The following ASPRV1 variants were observed in gnomAD, a reference collection of about 807,000 sequenced individuals.
ASPRV1 encodes the protein aspartic peptidase retroviral like 1.
In ASPRV1, 7 loss-of-function variants were observed where a neutral mutation model predicts 11.0. The ratio of observed to expected loss-of-function variants is 0.64; its 90% confidence interval spans 0.36 to 1.20. The LOEUF is 1.20. Ranked by LOEUF, ASPRV1 falls within the 50% of genes most tolerant of loss-of-function variation. The pLI, the probability that ASPRV1 is intolerant of heterozygous loss-of-function variation, is 0.02. For missense variants in ASPRV1, 299 were observed against 320.0 expected (o/e 0.93, Z 0.50); for synonymous variants, 136 against 138.4 (o/e 0.98, Z 0.12).
chr2:70,077,958 G>A, the ASPRV1 span, among the ~76,000 whole-genome samples: 406 of 152,188 alleles, frequency 2.7e-3, 9 homozygotes, highest in Non-Finnish European at 8.4e-4. Context: ...CATGAGGTCA[G>A]GAGTTTGAGA....
the ASPRV1 span, among the ~76,000 whole-genome samples, chr2:70,032,690 G>C: frequency 1.3e-5 from 2 of 152,096 alleles, no homozygotes; most frequent in South Asian, 2.1e-4. Flanking sequence ...TCCTTGCTGA[G>C]AGCAGTCTTC....
chr2:69,965,524 G>C (rs752296302), upstream of ASPRV1, among the ~76,000 whole-genome samples: 14 of 152,174 alleles, frequency 9.2e-5, no homozygotes, highest in Non-Finnish European at 1.8e-4. Flanking sequence ...TTTGTGTTGG[G>C]CCACATTCAA....
At chr2:70,063,169 A>C in the ASPRV1 span, among the ~76,000 whole-genome samples, 5 of 152,144 alleles carry the variant, frequency 3.3e-5, no homozygotes, top group Non-Finnish European at 5.9e-5. Flanking sequence ...ACATACAAAA[A>C]CATTCAGAAC....
At chr2:69,966,535 C>G (rs1678346845), upstream of ASPRV1, among the ~76,000 whole-genome samples, 2 of 152,226 alleles carry the variant, frequency 1.3e-5, no homozygotes, top group African/African-American at 4.8e-5. Context: ...ACACAGGTCT[C>G]CAGACAGCTT....
the ASPRV1 span, among the ~76,000 whole-genome samples, chr2:69,975,005 G>A: frequency 6.6e-6 from 1 of 152,148 alleles, no homozygotes; most frequent in African/African-American, 2.4e-5. Flanking sequence ...CTGGGGCAGG[G>A]GTCCCAGAGC....
the ASPRV1 span, chr2:70,086,118 T>G: frequency 6.6e-6 from 1 of 152,180 alleles, no homozygotes; most frequent in Non-Finnish European, 1.5e-5. Flanking sequence ...AAATTAGGCC[T>G]CCGACCTTCA....
chr2:70,005,438 G>A, the ASPRV1 span, among the ~76,000 whole-genome samples: 3 of 152,032 alleles, frequency 2.0e-5, no homozygotes, highest in African/African-American at 4.8e-5. Context: ...TTCTTGACAC[G>A]CATGCCAAAT....
the ASPRV1 span, among the ~76,000 whole-genome samples, chr2:69,978,223 CA>C: frequency 1.3e-5 from 2 of 152,106 alleles, no homozygotes; most frequent in African/African-American, 4.8e-5. Context: ...GCTTCTTCCC[CA>C]GGGGGCTCTG....
chr2:69,938,231 A>C, the ASPRV1 span: 1 of 1,614,224 alleles, frequency 6.2e-7, no homozygotes, highest in Non-Finnish European at 8.5e-7. Context: ...TTCCAGCACC[A>C]GCATCAAGAG....
chr2:70,033,480 A>T, the ASPRV1 span, among the ~76,000 whole-genome samples: 150 of 151,934 alleles, frequency 9.9e-4, no homozygotes, highest in African/African-American at 3.4e-3. Context: ...ACATTATTCA[A>T]AACAACTTAG....
chr2:70,045,850 A>C, the ASPRV1 span: 1 of 149,680 alleles, frequency 6.7e-6, no homozygotes, highest in Non-Finnish European at 1.5e-5. Context: ...TTAAACCCAG[A>C]GGCAGAGGTT....
the ASPRV1 span, chr2:70,049,102 T>C: frequency 6.6e-6 from 1 of 151,660 alleles, no homozygotes. Context: ...GTTAGTTACA[T>C]ATGTATACAT....
chr2:70,075,830 C>G, the ASPRV1 span, among the ~76,000 whole-genome samples: 1 of 150,256 alleles, frequency 6.7e-6, no homozygotes, highest in Non-Finnish European at 1.5e-5. Flanking sequence ...GCCTGGGCAA[C>G]AAGAGCAAAA....
chr2:70,034,803 A>C, the ASPRV1 span: 1 of 152,194 alleles, frequency 6.6e-6, no homozygotes, highest in Non-Finnish European at 1.5e-5. Flanking sequence ...GACCCTCTGA[A>C]GAAGGTAGTC....
At chr2:70,025,979 G>A in the ASPRV1 span, among the ~76,000 whole-genome samples, 8 of 152,214 alleles carry the variant, frequency 5.3e-5, no homozygotes, top group African/African-American at 1.9e-4. Flanking sequence ...AAACCTGTAA[G>A]GATGAGAAAG....
the ASPRV1 span, among the ~76,000 whole-genome samples, chr2:70,017,166 T>G: frequency 2.9e-4 from 44 of 152,282 alleles, no homozygotes; most frequent in Middle Eastern, 0.014. Flanking sequence ...AATTTTTTTG[T>G]ATTTTTAGTA....
the ASPRV1 span, among the ~76,000 whole-genome samples, chr2:70,044,838 A>G: frequency 0.027 from 4,063 of 152,276 alleles, 177 homozygotes; most frequent in African/African-American, 0.093. Context: ...ACATGCAGTG[A>G]GGATACACCA....
chr2:69,975,215 G>A, the ASPRV1 span: 1 of 152,642 alleles, frequency 6.6e-6, no homozygotes, highest in South Asian at 2.1e-4. Flanking sequence ...GTGGAGGCAG[G>A]TGTTTAACAG....
the ASPRV1 span, among the ~76,000 whole-genome samples, chr2:69,951,152 G>A: frequency 5.9e-4 from 89 of 151,920 alleles, no homozygotes; most frequent in Non-Finnish European, 1.2e-3. Context: ...TGGCCCAGGC[G>A]CAGTGGCTCA....
Sources: allele counts gnomAD v4.1 joint callset (sites outside exome capture counted in the v4.1 genomes callset), GRCh38; gene constraint gnomAD v4.1.1; transcripts MANE v1.5; gene names NCBI Gene and HGNC (gene_info 2026-07-23, HGNC 2026-07-21).